IGSF21: variants seen among roughly 807,000 people sequenced by gnomAD.
IGSF21 encodes immunoglobulin superfamily member 21.
A neutral mutation model predicts 46.8 loss-of-function variants in IGSF21; 28 were observed. The observed-to-expected ratio is 0.60, with a 90% CI of 0.44 to 0.82. The LOEUF (loss-of-function observed/expected upper bound fraction) is 0.82. IGSF21 is among the 40% of genes least tolerant of loss of function. IGSF21 has a pLI of 0.00. For synonymous variants in IGSF21, 284 were observed against 273.6 expected (o/e 1.04, Z -0.38); for missense variants, 624 against 665.5 (o/e 0.94, Z 0.69).
At chr1:18,160,782 C>T (rs558349270) in intron 1 of IGSF21, among the ~76,000 whole-genome samples, 2 of 152,310 alleles carry the variant, frequency 1.3e-5, no homozygotes, top group Admixed American at 6.5e-5. Flanking sequence ...CCCGCAGCCA[C>T]CCAGAATCAC....
At chr1:18,318,481 T>C (rs1201368549) in intron 3 of IGSF21, among the ~76,000 whole-genome samples, 2 of 149,102 alleles carry the variant, frequency 1.3e-5, no homozygotes, top group African/African-American at 5.2e-5. Flanking sequence ...TGTGTGTGTG[T>C]GTGTGTGTGC....
intron 2 of IGSF21, among the ~76,000 whole-genome samples, chr1:18,285,494 C>A (rs1362784625): frequency 1.3e-5 from 2 of 152,068 alleles, no homozygotes; most frequent in African/African-American, 4.8e-5. Flanking sequence ...CAGAACACTG[C>A]GGGCATTCAG....
intron 6 of IGSF21, among the ~76,000 whole-genome samples, chr1:18,372,099 C>G (rs1478133430): frequency 6.6e-6 from 1 of 152,228 alleles, no homozygotes; most frequent in East Asian, 1.9e-4. Flanking sequence ...CCATCACCCA[C>G]TAGAATTTAA....
At chr1:18,298,541 CG>C (rs2085332893) in intron 3 of IGSF21, among the ~76,000 whole-genome samples, 1 of 152,090 alleles carries the variant, frequency 6.6e-6, no homozygotes, top group Admixed American at 6.5e-5. Flanking sequence ...AACAGCTGGG[CG>C]GGGCAGGGTG....
At chr1:18,286,119 C>T (rs897090395) in intron 2 of IGSF21, among the ~76,000 whole-genome samples, 3 of 152,202 alleles carry the variant, frequency 2.0e-5, no homozygotes, top group African/African-American at 7.2e-5. Context: ...AAAGCCTCTG[C>T]ACATTTCCCA....
chr1:18,280,989 C>A (rs1042998396), intron 2 of IGSF21, among the ~76,000 whole-genome samples: 10 of 152,220 alleles, frequency 6.6e-5, no homozygotes, highest in African/African-American at 2.4e-4. Context: ...CAGCCTGCTG[C>A]TGAGCGAGCA....
chr1:18,368,263 T>C (rs2086187286), intron 6 of IGSF21, among the ~76,000 whole-genome samples: 2 of 151,606 alleles, frequency 1.3e-5, no homozygotes, highest in South Asian at 4.2e-4. Flanking sequence ...CCTAACACTT[T>C]GGGAGGCCAA....
intron 5 of IGSF21, among the ~76,000 whole-genome samples, chr1:18,364,318 C>T (rs923151279): frequency 1.3e-5 from 2 of 152,002 alleles, no homozygotes; most frequent in Non-Finnish European, 2.9e-5. Context: ...CCAACGCAGG[C>T]TATCATGTGC....
At chr1:18,279,492 C>T (rs990618768) in intron 2 of IGSF21, among the ~76,000 whole-genome samples, 1 of 152,152 alleles carries the variant, frequency 6.6e-6, no homozygotes, top group Admixed American at 6.5e-5. Flanking sequence ...TTAACGCCAC[C>T]CCCATAGAAC....
At chr1:18,370,307 A>T (rs1394409264) in intron 6 of IGSF21, among the ~76,000 whole-genome samples, 1 of 152,242 alleles carries the variant, frequency 6.6e-6, no homozygotes. Flanking sequence ...CTACATACAC[A>T]GAGTTCATTG....
At chr1:18,153,582 G>T (rs1052557071) in intron 1 of IGSF21, among the ~76,000 whole-genome samples, 1 of 152,196 alleles carries the variant, frequency 6.6e-6, no homozygotes, top group Non-Finnish European at 1.5e-5. Context: ...CTGGGAACCA[G>T]GTGCCGAAGG....
chr1:18,293,939 C>A (rs1161451562), intron 3 of IGSF21, among the ~76,000 whole-genome samples: 1 of 152,230 alleles, frequency 6.6e-6, no homozygotes, highest in African/African-American at 2.4e-5. Context: ...CAAGGGCAAG[C>A]CCTGCTACCA....
chr1:18,231,922 C>CGTGT (rs150869622), intron 2 of IGSF21, among the ~76,000 whole-genome samples: 50,186 of 136,312 alleles, frequency 0.37, 9,733 homozygotes, highest in South Asian at 0.45. Context: ...ATCATTAGAT[C>CGTGT]GTGTGTGTGT....
At chr1:18,340,647 T>C (rs2085823139) in intron 4 of IGSF21, among the ~76,000 whole-genome samples, 1 of 152,192 alleles carries the variant, frequency 6.6e-6, no homozygotes, top group Admixed American at 6.5e-5. Context: ...CACAGCAATG[T>C]ATTGTCTCAC....
intron 2 of IGSF21, among the ~76,000 whole-genome samples, chr1:18,264,644 C>T (rs576459243): frequency 1.3e-5 from 2 of 152,304 alleles, no homozygotes; most frequent in Admixed American, 6.5e-5. Context: ...AACATACCTA[C>T]AGAACATACA....
intron 4 of IGSF21, among the ~76,000 whole-genome samples, chr1:18,359,298 A>AAAAAG (rs1310593181): frequency 6.9e-6 from 1 of 145,742 alleles, no homozygotes; most frequent in East Asian, 2.0e-4. Flanking sequence ...AAAAAAAAAG[A>AAAAAG]AAAAGAAAAG....
At chr1:18,195,060 A>G (rs2086994101) in intron 1 of IGSF21, among the ~76,000 whole-genome samples, 1 of 152,168 alleles carries the variant, frequency 6.6e-6, no homozygotes, top group Non-Finnish European at 1.5e-5. Context: ...AGCCCCCATG[A>G]TTCAATGATC....
intron 2 of IGSF21, among the ~76,000 whole-genome samples, chr1:18,244,751 C>T (rs1216406113): frequency 6.6e-6 from 1 of 152,100 alleles, no homozygotes; most frequent in African/African-American, 2.4e-5. Flanking sequence ...CTTATCAGTG[C>T]TAATAGATTT....
At chr1:18,261,034 A>G (rs999911106) in intron 2 of IGSF21, among the ~76,000 whole-genome samples, 2 of 152,162 alleles carry the variant, frequency 1.3e-5, no homozygotes, top group African/African-American at 4.8e-5. Context: ...AGACATTCTA[A>G]TCAGTCCTAT....
Sources: gnomAD v4.1 joint callset for allele counts (sites outside exome capture counted in the v4.1 genomes callset) on GRCh38, gnomAD v4.1.1 for gene constraint, MANE v1.5 for transcripts, NCBI Gene and HGNC (gene_info 2026-07-23, HGNC 2026-07-21) for gene names.